The following ATP2C2 variants were observed in gnomAD, a reference collection of about 807,000 sequenced individuals.
The protein encoded by ATP2C2 is calcium-transporting ATPase type 2C member 2.
ATP2C2 carries 171 observed loss-of-function variants against 110.8 expected under a neutral mutation model. That is an observed-to-expected ratio of 1.54 (90% CI 1.36 to 1.75). The LOEUF (loss-of-function observed/expected upper bound fraction) is 1.75. Ranked by LOEUF, ATP2C2 falls within the 40% of genes most tolerant of loss-of-function variation. The pLI, the probability that ATP2C2 is intolerant of heterozygous loss-of-function variation, is 0.00. For missense variants in ATP2C2, 1,963 were observed against 1,235.0 expected (o/e 1.59, Z -8.84); for synonymous variants, 804 against 508.4 (o/e 1.58, Z -7.82).
chr16:84,405,301 C>T lies in ATP2C2; in HGVS notation c.327+57C>T, dbSNP rs1007552910. The T allele has an allele frequency of 1.8e-5, 26 of 1,430,272 alleles. No individual in the cohort carries two copies. In the African/African-American group the frequency reaches 3.1e-4, roughly 17 times the overall value. The allele number at this position is 1,430,272 out of a possible 1,614,324, so 88.6% of individuals were successfully genotyped here. A position where few individuals can be genotyped will look rare whatever the true frequency, so the allele number is the denominator to read the frequency against. Reference sequence around the variant, plus strand: ...CATGCATAAGCCAGCGAGGGTGGGGCAGCCATTCCATCTTTCAATGTTGAT... The same window carrying T: ...CATGCATAAGCCAGCGAGGGTGGGGTAGCCATTCCATCTTTCAATGTTGAT... On this transcript the variant is annotated intron_variant, in intron 3 of 26. Transcript: ENST00000262429.
chr16:84,461,638 C>CT (rs1222045501), intron 24 of ATP2C2, 76 bp from the exon 25 acceptor site: 1 of 1,328,554 alleles, frequency 7.5e-7, no homozygotes, highest in East Asian at 2.3e-5. Flanking sequence ...AGCAGTGAGG[C>CT]AGGCCTGTGC....
At chr16:84,371,823 C>A (rs983520132) in intron 1 of ATP2C2, among the ~76,000 whole-genome samples, 1 of 152,174 alleles carries the variant, frequency 6.6e-6, no homozygotes, top group African/African-American at 2.4e-5. Flanking sequence ...CCTAGATTCA[C>A]GGAGGGGGCT....
At chr16:84,439,366 G>A (rs247905) in intron 12 of ATP2C2, 61 bp from the exon 13 acceptor site, 623,721 of 1,611,448 alleles carry the variant, frequency 0.39, 123,294 homozygotes, top group Non-Finnish European at 0.41. Context: ...ATCCAGCCTG[G>A]GGGTTTCACA....
intron 9 of ATP2C2, 100 bp from the exon 10 acceptor site, chr16:84,423,088 C>A: frequency 5.1e-6 from 5 of 982,026 alleles, no homozygotes; most frequent in Non-Finnish European, 8.1e-6. Context: ...CCTGTGTAAT[C>A]ATCACTGAAG....
Position 84,461,980 on chromosome 16 carries a change from C to A in ATP2C2, c.2581-8C>A. The A allele has an allele frequency of 6.2e-7, 1 of 1,612,628 alleles. No individual in the cohort carries two copies. Among genetic ancestry groups the A allele is most frequent in the Non-Finnish European group, 8.5e-7 (1 of 1,178,890 alleles). On this transcript the variant is annotated splice_polypyrimidine_tract_variant and splice_region_variant and intron_variant, in intron 25 of 26. Transcript: ENST00000262429. ...CACACAATCCCCCGTGTGACCTTCT[C>A]CCTGCAGACCAAGCTGATATTTGAG...
At chr16:84,449,992 A>C (rs892564133) in intron 17 of ATP2C2, among the ~76,000 whole-genome samples, 4 of 152,240 alleles carry the variant, frequency 2.6e-5, no homozygotes, top group African/African-American at 9.6e-5. Context: ...GAGCCGGCCC[A>C]GGTGACACAG....
intron 20 of ATP2C2, 58 bp from the exon 21 acceptor site, chr16:84,454,760 C>A: frequency 2.7e-6 from 4 of 1,503,754 alleles, no homozygotes; most frequent in Non-Finnish European, 2.7e-6. Context: ...GTGTGCATGG[C>A]CGGGCACTGG....
intron 7 of ATP2C2, among the ~76,000 whole-genome samples, chr16:84,421,597 G>A (rs1053448502): frequency 2.0e-5 from 3 of 152,094 alleles, no homozygotes; most frequent in African/African-American, 4.8e-5. Context: ...TGTCTGGCAC[G>A]GTTCTGGCCC....
intron 26 of ATP2C2, chr16:84,462,347 C>G (rs1283005800): frequency 3.4e-6 from 2 of 595,756 alleles, no homozygotes; most frequent in South Asian, 2.5e-5. Flanking sequence ...AGGCCTGTCA[C>G]TCAAGAGTAG....
rs949149439 is a variant in ATP2C2, at chr16:84,463,718, C to G, written c.2827C>G (p.Pro943Ala). The G allele has an allele frequency of 6.2e-7, 1 of 1,613,062 alleles. No individual in the cohort carries two copies. The highest frequency in any genetic ancestry group is 8.5e-7 in the Non-Finnish European group (1 of 1,179,144). ...CCSPKRVQMH[P>A]EDV ...CAGCCCCAAGAGAGTCCAGATGCAC[C>G]CTGAAGATGTGTAGTGGACCGCACT... The change falls in exon 27 of 27, where the codon CCT (proline) becomes GCT (alanine). Residue 943 changes from proline to alanine, a missense_variant. Coordinates refer to ENST00000262429, the MANE Select transcript of ATP2C2 (RefSeq NM_014861.4).
chr16:84,458,403 C>A lies in ATP2C2; in HGVS notation c.2148-717C>A, dbSNP rs1347101484. On this transcript the variant is annotated intron_variant, in intron 21 of 26. Coordinates refer to ENST00000262429, the MANE Select transcript of ATP2C2 (RefSeq NM_014861.4). ...GAGATATACCTAATGCTAGATGACA[C>A]GTTAGTGGGTGCAGCGCACCAGCAT... 7.3e-5 allele frequency among the ~76,000 whole-genome samples: 10 copies of A among 136,748 alleles called. No homozygotes were observed. The East Asian group carries it at 1.7e-3, about 24-fold the overall frequency. 89.7% of individuals were successfully genotyped at this position (136,748 alleles called of 152,430 possible). A position where few individuals can be genotyped will look rare whatever the true frequency, so the allele number is the denominator to read the frequency against.
chr16:84,458,998 A>T, intron 21 of ATP2C2, 122 bp from the exon 22 acceptor site: 1 of 1,079,158 alleles, frequency 9.3e-7, no homozygotes, highest in Non-Finnish European at 1.4e-6. Context: ...AAGGGGAACC[A>T]GCAGGGGCCC....
intron 1 of ATP2C2, among the ~76,000 whole-genome samples, chr16:84,375,498 G>C (rs1910197626): frequency 6.7e-6 from 1 of 149,216 alleles, no homozygotes; most frequent in Non-Finnish European, 1.5e-5. Flanking sequence ...CCAAGATCAT[G>C]TCCCTGCACT....
At chr16:84,449,961 C>G (rs776536373) in intron 17 of ATP2C2, among the ~76,000 whole-genome samples, 1 of 152,236 alleles carries the variant, frequency 6.6e-6, no homozygotes, top group Non-Finnish European at 1.5e-5. Flanking sequence ...AGGCCACGCC[C>G]TGAATCCCCA....
intron 23 of ATP2C2, 44 bp from the exon 24 acceptor site, chr16:84,460,610 C>A (rs1321296627): frequency 1.2e-6 from 2 of 1,613,770 alleles, no homozygotes; most frequent in Non-Finnish European, 1.7e-6. Flanking sequence ...TCCTTTATTT[C>A]ATTCCTGGTT....
chr16:84,441,973 AAG>A (rs371334629), intron 14 of ATP2C2, among the ~76,000 whole-genome samples: 10,859 of 152,150 alleles, frequency 0.071, 739 homozygotes, highest in South Asian at 0.17. Flanking sequence ...AATAATAAAA[AAG>A]AAAAGAAAAG....
chr16:84,408,529 G>C (rs765795059), intron 4 of ATP2C2, 35 bp downstream of exon 4: 22 of 1,542,384 alleles, frequency 1.4e-5, no homozygotes, highest in African/African-American at 2.7e-5. Context: ...TCCCGGGCGG[G>C]CAGCCACAGG....
chr16:84,422,856 G>A (rs1907476697), intron 9 of ATP2C2, among the ~76,000 whole-genome samples, 159 bp downstream of exon 9: 1 of 151,838 alleles, frequency 6.6e-6, no homozygotes, highest in African/African-American at 2.4e-5. Flanking sequence ...ATAGAGACAG[G>A]GTTTCGCCAT....
At chr16:84,441,020 T>C in intron 14 of ATP2C2, 62 bp downstream of exon 14, 1 of 1,355,820 alleles carries the variant, frequency 7.4e-7, no homozygotes, top group Non-Finnish European at 1.0e-6. Context: ...GGGGCTCCTC[T>C]CTGAAAAGGG....
Sources: gnomAD v4.1 joint callset for allele counts (sites outside exome capture counted in the v4.1 genomes callset) on GRCh38, gnomAD v4.1.1 for gene constraint, MANE v1.5 for transcripts, NCBI Gene and HGNC (gene_info 2026-07-23, HGNC 2026-07-21) for gene names.